Variants in WFDC1 observed in about 807,000 individuals in gnomAD.
The protein encoded by WFDC1 is WAP four-disulfide core domain protein 1.
A neutral mutation model predicts 32.9 loss-of-function variants in WFDC1; 39 were observed. The ratio of observed to expected loss-of-function variants is 1.19; its 90% CI spans 0.92 to 1.55. The LOEUF (loss-of-function observed/expected upper bound fraction) is 1.55, where lower values mean the gene tolerates loss of function less well. WFDC1 is among the 40% of genes most tolerant of loss of function. The pLI, the probability that WFDC1 is intolerant of heterozygous loss-of-function variation, is 0.00. For synonymous variants in WFDC1, 184 were observed against 137.4 expected (o/e 1.34, Z -2.37); for missense variants, 386 against 309.5 (o/e 1.25, Z -1.85).
At chr16:84,327,795 T>TGTTTGATA (rs1908687999) in intron 6 of WFDC1, 1 of 152,286 alleles carries the variant, frequency 6.6e-6, no homozygotes, top group African/African-American at 2.4e-5. Context: ...CAAACAATTC[T>TGTTTGATA]GTTGGGTGCC....
rs1472410617 is a variant in WFDC1, at chr16:84,329,613, C to G, written c.*307C>G. ...CACCCATGAAAGCATTTCTGAAGCCCCTTTCTAAGACAAGGCTCAGCATCT... is the reference window on the plus strand; with the variant it reads ...CACCCATGAAAGCATTTCTGAAGCCGCTTTCTAAGACAAGGCTCAGCATCT... On this transcript the variant is annotated 3_prime_UTR_variant, in exon 7 of 7. Coordinates refer to ENST00000219454, the MANE Select transcript of WFDC1 (RefSeq NM_021197.4). 6.6e-6 allele frequency: 1 copy of G among 152,140 alleles called. No individual in the cohort carries two copies. The highest frequency in any genetic ancestry group is 1.5e-5 in the Non-Finnish European group (1 of 68,026). 9.4% of individuals were successfully genotyped at this position (152,140 alleles called of 1,614,324 possible).
chr16:84,305,251 G>C (rs935844263), intron 1 of WFDC1, among the ~76,000 whole-genome samples: 2 of 152,248 alleles, frequency 1.3e-5, no homozygotes, highest in South Asian at 2.1e-4. Context: ...TCTAAGCCTG[G>C]TGTCTGTGTA....
intron 3 of WFDC1, chr16:84,319,193 G>T (rs1597688969): frequency 3.6e-6 from 2 of 554,116 alleles, no homozygotes; most frequent in Non-Finnish European, 6.4e-6. Flanking sequence ...GTATGTTTGG[G>T]ATCAGGTGAG....
chr16:84,325,939 C>A (rs1267021160), intron 5 of WFDC1: 1 of 151,958 alleles, frequency 6.6e-6, no homozygotes. Context: ...TCCATTCATA[C>A]ATCCATCCAT....
intron 2 of WFDC1, among the ~76,000 whole-genome samples, chr16:84,314,199 A>T (rs1907817423): frequency 6.6e-6 from 1 of 152,192 alleles, no homozygotes; most frequent in South Asian, 2.1e-4. Context: ...ATGTTCAGGG[A>T]TTCATCATTG....
At chr16:84,318,186 A>T in intron 2 of WFDC1, 86 bp from the exon 3 acceptor site, 1 of 1,265,126 alleles carries the variant, frequency 7.9e-7, no homozygotes, top group South Asian at 1.2e-5. Context: ...CTGTGCTGTC[A>T]TGAAGTTGGG....
In WFDC1 at chr16:84,319,523, G is replaced by A. The variant is rs757803907; in HGVS notation, c.514G>A (p.Glu172Lys). The change falls in exon 4 of 7, where the codon GAA becomes AAA. Residue 172 changes from glutamate to lysine, a missense_variant. Physicochemically the swap from Glu to Lys is moderately conservative, Grantham distance 56. Coordinates refer to ENST00000219454, the MANE Select transcript of WFDC1 (RefSeq NM_021197.4). ...CHILSPGDVA[E>K]GIPNRGQCVK... ...CATCCTGAGCCCAGGTGACGTGGCC[G>A]AAGGTATCCCCAACCGTGGGCAGTG... 36 of 1,613,072 alleles carry A rather than the reference G, an allele frequency of 2.2e-5. No homozygotes were observed. Among genetic ancestry groups the A allele is most frequent in the Middle Eastern group, 1.7e-4 (1 of 6,060 alleles).
At chr16:84,327,617 G>A (rs1758645130) in intron 6 of WFDC1, 1 of 152,242 alleles carries the variant, frequency 6.6e-6, no homozygotes, top group Non-Finnish European at 1.5e-5. Flanking sequence ...AGGACCTACT[G>A]CAATTTCAAG....
At chr16:84,314,656 G>C (rs1251052183) in intron 2 of WFDC1, among the ~76,000 whole-genome samples, 1 of 152,162 alleles carries the variant, frequency 6.6e-6, no homozygotes. Context: ...AGACAGACAG[G>C]GACTATTTCA....
chr16:84,325,782 C>G (rs761828553), intron 5 of WFDC1: 1 of 151,992 alleles, frequency 6.6e-6, no homozygotes, highest in Non-Finnish European at 1.5e-5. Context: ...TTTTATCCAC[C>G]CTTCTATTCC....
chr16:84,305,711 A>T (rs1717610756), intron 1 of WFDC1, among the ~76,000 whole-genome samples: 1 of 152,196 alleles, frequency 6.6e-6, no homozygotes, highest in African/African-American at 2.4e-5. Context: ...ATTGATTAAA[A>T]ATAAAAGGAG....
chr16:84,321,238 C>T (rs1423396632), intron 4 of WFDC1, among the ~76,000 whole-genome samples: 1 of 152,216 alleles, frequency 6.6e-6, no homozygotes, highest in East Asian at 1.9e-4. Flanking sequence ...CTTCACAGGG[C>T]TCTTTGAGGA....
intron 1 of WFDC1, among the ~76,000 whole-genome samples, chr16:84,301,377 G>A (rs1035108486): frequency 2.6e-5 from 4 of 152,224 alleles, no homozygotes; most frequent in Non-Finnish European, 4.4e-5. Context: ...TAAGGAAACT[G>A]AGGCCATTGC....
intron 1 of WFDC1, among the ~76,000 whole-genome samples, chr16:84,311,384 A>ATTTTTTTTTTTTTTTTTTTTTTTTT (rs747950638): frequency 8.5e-6 from 1 of 118,300 alleles, no homozygotes. Flanking sequence ...CGCCCGGCTA[A>ATTTTTTTTTTTTTTTTTTTTTTTTT]TTTTTTTTCT....
intron 3 of WFDC1, chr16:84,318,670 T>C: frequency 3.6e-6 from 1 of 276,348 alleles, no homozygotes; most frequent in Admixed American, 4.1e-5. Context: ...GGTTCACCGC[T>C]CTCTAATGAT....
intron 1 of WFDC1, chr16:84,295,444 C>A (rs1435125967): frequency 6.2e-6 from 3 of 487,268 alleles, no homozygotes; most frequent in African/African-American, 3.9e-5. Flanking sequence ...ACGGAGCATT[C>A]CGTCTCCCTG....
intron 6 of WFDC1, 178 bp from the exon 7 acceptor site, chr16:84,329,144 G>T (rs1280359343): frequency 6.6e-6 from 1 of 152,232 alleles, no homozygotes; most frequent in Non-Finnish European, 1.5e-5. Context: ...AGTGAGTTCA[G>T]AATTGGGTCT....
intron 4 of WFDC1, among the ~76,000 whole-genome samples, chr16:84,322,007 G>A (rs1393573135): frequency 2.6e-5 from 4 of 152,156 alleles, no homozygotes; most frequent in African/African-American, 9.7e-5. Flanking sequence ...ATAGCACCTG[G>A]CCCACTGTAG....
chr16:84,297,639 A>AAAC (rs1452291042), intron 1 of WFDC1, among the ~76,000 whole-genome samples: 2 of 148,258 alleles, frequency 1.3e-5, no homozygotes, highest in Non-Finnish European at 3.0e-5. Flanking sequence ...AAAAAAAAAA[A>AAAC]AAAAAAAACT....
Sources: gnomAD v4.1 joint callset for allele counts (sites outside exome capture counted in the v4.1 genomes callset) on GRCh38, gnomAD v4.1.1 for gene constraint, MANE v1.5 for transcripts, NCBI Gene and HGNC (gene_info 2026-07-23, HGNC 2026-07-21) for gene names.